ERP44: variants seen among roughly 807,000 people sequenced by gnomAD.
ERP44 encodes the protein endoplasmic reticulum resident protein 44.
ERP44 carries 25 observed loss-of-function variants against 53.4 expected under a neutral mutation model. The observed-to-expected ratio is 0.47, with a 90% CI of 0.34 to 0.65. The LOEUF is 0.65. Among genes scored for constraint, ERP44 ranks in the 30% least tolerant of loss-of-function variants. ERP44 has a pLI of 0.01. For synonymous variants in ERP44, 145 were observed against 161.2 expected, an observed-to-expected ratio of 0.90 and a Z score of 0.76; for missense variants, 338 against 493.2, an observed-to-expected ratio of 0.69 and a Z score of 2.98.
At chr9:100,051,728 A>C (rs1826040031) in intron 4 of ERP44, among the ~76,000 whole-genome samples, 1 of 152,232 alleles carries the variant, frequency 6.6e-6, no homozygotes, top group Non-Finnish European at 1.5e-5. Context: ...TATAATGGGA[A>C]CACACAGGAG....
At chr9:100,007,538 G>T (rs761880029) in intron 9 of ERP44, 40 bp downstream of exon 9, 8 of 994,058 alleles carry the variant, frequency 8.0e-6, no homozygotes, top group Non-Finnish European at 1.3e-5. Context: ...AAAGAAAAGA[G>T]AGAAAGAAAT....
intron 4 of ERP44, 135 bp from the exon 5 acceptor site, chr9:100,022,361 A>T: frequency 1.7e-6 from 1 of 603,448 alleles, no homozygotes; most frequent in Non-Finnish European, 2.8e-6. Context: ...AGAGAGAAAA[A>T]AATAATAATA....
chr9:100,021,691 CA>C (rs1830591379), intron 5 of ERP44, among the ~76,000 whole-genome samples: 1 of 152,106 alleles, frequency 6.6e-6, no homozygotes. Context: ...AGAGCTCATA[CA>C]AAAGTAATTA....
intron 8 of ERP44, among the ~76,000 whole-genome samples, chr9:100,013,862 T>G (rs1351560045): frequency 6.6e-6 from 1 of 152,204 alleles, no homozygotes; most frequent in Admixed American, 6.5e-5. Context: ...ATAGCAGCAT[T>G]ATTCACGGTA....
chr9:100,014,840 C>G (rs1830512742), intron 8 of ERP44, among the ~76,000 whole-genome samples: 1 of 152,154 alleles, frequency 6.6e-6, no homozygotes, highest in South Asian at 2.1e-4. Context: ...TTAGTTTGGG[C>G]TGCTATATTA....
Position 99,981,771 on chromosome 9 carries a change from CT to C in ERP44, c.*840del, listed in dbSNP as rs1830151359. The C allele has an allele frequency of 6.6e-6, 1 of 152,186 alleles. No individual in the cohort carries two copies. Among genetic ancestry groups the C allele is most frequent in the Non-Finnish European group, 1.5e-5 (1 of 68,030 alleles). 9.4% of individuals were successfully genotyped at this position (152,186 alleles called of 1,614,324 possible). On this transcript the variant is annotated 3_prime_UTR_variant, in exon 12 of 12. Transcript: ENST00000262455. ...ACAAGACAGAAGGAGCTTAAAATTA[CT>C]GAAATACAATTTCTCTGCTAGTTCT...
At chr9:100,046,581 G>C (rs1825972869) in intron 4 of ERP44, among the ~76,000 whole-genome samples, 2 of 152,048 alleles carry the variant, frequency 1.3e-5, no homozygotes, top group Admixed American at 6.6e-5. Flanking sequence ...AGACATGTAG[G>C]CTGAAAAACC....
intron 4 of ERP44, among the ~76,000 whole-genome samples, chr9:100,032,669 A>C (rs544109681): frequency 1.5e-4 from 23 of 152,360 alleles, no homozygotes; most frequent in Non-Finnish European, 2.6e-4. Context: ...AGAAGTAAGC[A>C]AAATTAACTT....
At chr9:99,985,525 C>A (rs1830187763) in intron 10 of ERP44, among the ~76,000 whole-genome samples, 1 of 152,158 alleles carries the variant, frequency 6.6e-6, no homozygotes, top group South Asian at 2.1e-4. Flanking sequence ...GAACCTATAA[C>A]AAAAATATTA....
At chr9:100,085,855 T>C (rs1216156359) in intron 1 of ERP44, among the ~76,000 whole-genome samples, 1 of 152,210 alleles carries the variant, frequency 6.6e-6, no homozygotes, top group Middle Eastern at 3.2e-3. Flanking sequence ...GCCAAGATCA[T>C]GCCATTGCAC....
intron 10 of ERP44, among the ~76,000 whole-genome samples, chr9:99,993,964 C>T (rs575584438): frequency 2.6e-5 from 4 of 152,312 alleles, no homozygotes; most frequent in African/African-American, 9.6e-5. Context: ...GATGCCATCT[C>T]ACACCAGTTA....
chr9:100,043,882 G>C (rs925838756), intron 4 of ERP44, among the ~76,000 whole-genome samples: 2 of 152,160 alleles, frequency 1.3e-5, no homozygotes, highest in African/African-American at 4.8e-5. Flanking sequence ...CTACAGCACT[G>C]TAGGGTGACT....
intron 10 of ERP44, among the ~76,000 whole-genome samples, chr9:99,994,740 T>A (rs1219955870): frequency 6.6e-6 from 1 of 152,228 alleles, no homozygotes; most frequent in Non-Finnish European, 1.5e-5. Flanking sequence ...CTTTCACCTA[T>A]ACTACACTGT....
At chr9:100,042,919 G>A (rs1825922196) in intron 4 of ERP44, among the ~76,000 whole-genome samples, 1 of 152,096 alleles carries the variant, frequency 6.6e-6, no homozygotes, top group East Asian at 1.9e-4. Flanking sequence ...GGAAAGGGTA[G>A]TCGAGGGTCA....
chr9:100,006,817 G>C (rs762924177), intron 9 of ERP44, among the ~76,000 whole-genome samples, 170 bp from the exon 10 acceptor site: 1 of 152,136 alleles, frequency 6.6e-6, no homozygotes, highest in Non-Finnish European at 1.5e-5. Context: ...AAAATAGGTA[G>C]GCTTTTAGTT....
At chr9:100,010,337 G>C (rs1374006523) in intron 8 of ERP44, among the ~76,000 whole-genome samples, 2 of 152,104 alleles carry the variant, frequency 1.3e-5, no homozygotes, top group Non-Finnish European at 2.9e-5. Flanking sequence ...TGGTTAAATG[G>C]TTGCTTACAA....
chr9:100,020,952 C>T (rs1343988345), intron 5 of ERP44, among the ~76,000 whole-genome samples: 1 of 152,144 alleles, frequency 6.6e-6, no homozygotes, highest in East Asian at 1.9e-4. Context: ...ATAAACATTT[C>T]CTTCCAGCGT....
At chr9:100,030,399 G>A (rs1033661831) in intron 4 of ERP44, among the ~76,000 whole-genome samples, 9 of 152,294 alleles carry the variant, frequency 5.9e-5, no homozygotes, top group South Asian at 2.1e-4. Flanking sequence ...GGGTATCCGG[G>A]TAAAGGATGG....
intron 9 of ERP44, among the ~76,000 whole-genome samples, chr9:100,007,142 G>A (rs1830431879): frequency 6.6e-6 from 1 of 152,166 alleles, no homozygotes; most frequent in Non-Finnish European, 1.5e-5. Flanking sequence ...GGAAAAGCTG[G>A]TGACACCTCA....
Sources: gnomAD v4.1 joint callset for allele counts (sites outside exome capture counted in the v4.1 genomes callset) on GRCh38, gnomAD v4.1.1 for gene constraint, MANE v1.5 for transcripts, NCBI Gene and HGNC (gene_info 2026-07-23, HGNC 2026-07-21) for gene names.